ADAM18: variants seen among roughly 807,000 people sequenced by gnomAD.
The protein encoded by ADAM18 is disintegrin and metalloproteinase domain-containing protein 18.
In ADAM18, 117 loss-of-function variants were observed where a neutral mutation model predicts 94.4. That is an observed-to-expected ratio of 1.24 (90% CI 1.07 to 1.45). The LOEUF (loss-of-function observed/expected upper bound fraction) is 1.45, where lower values mean the gene tolerates loss of function less well. ADAM18 is among the 40% of genes most tolerant of loss of function. The probability of loss-of-function intolerance (pLI) is 0.00; values close to 1 mark genes in which losing one functional copy is unlikely to be tolerated. For synonymous variants in ADAM18, 327 were observed against 291.6 expected (o/e 1.12, Z -1.24); for missense variants, 936 against 880.0 (o/e 1.06, Z -0.81).
chr8:39,650,564 G>A (rs1820505181), intron 12 of ADAM18, among the ~76,000 whole-genome samples: 1 of 151,954 alleles, frequency 6.6e-6, no homozygotes, highest in African/African-American at 2.4e-5. Flanking sequence ...ATAAATACTT[G>A]GGAATAAATT....
intron 17 of ADAM18, among the ~76,000 whole-genome samples, chr8:39,693,012 A>G (rs1335035252): frequency 1.3e-5 from 2 of 151,638 alleles, no homozygotes; most frequent in Non-Finnish European, 3.0e-5. Context: ...ACAATATTTT[A>G]CAGAGTATAC....
chr8:39,675,437 C>A (rs117183686), intron 14 of ADAM18, among the ~76,000 whole-genome samples: 4 of 152,126 alleles, frequency 2.6e-5, no homozygotes, highest in African/African-American at 4.8e-5. Flanking sequence ...TTGTGCATGC[C>A]TCACGAAGTT....
chr8:39,589,725 A>G (rs992880785), intron 2 of ADAM18, among the ~76,000 whole-genome samples: 1 of 152,072 alleles, frequency 6.6e-6, no homozygotes, highest in Non-Finnish European at 1.5e-5. Flanking sequence ...ATGTTTAAAA[A>G]TTTTAAACTT....
intron 16 of ADAM18, among the ~76,000 whole-genome samples, chr8:39,691,881 C>A (rs1821792208): frequency 6.6e-6 from 1 of 151,708 alleles, no homozygotes; most frequent in Non-Finnish European, 1.5e-5. Context: ...AACTTATAAT[C>A]TATAAATTGG....
chr8:39,618,361 T>C (rs1453884856), intron 6 of ADAM18, among the ~76,000 whole-genome samples: 1 of 152,096 alleles, frequency 6.6e-6, no homozygotes, highest in African/African-American at 2.4e-5. Context: ...GGATTTAGGG[T>C]CATTTGATTG....
chr8:39,630,261 A>G (rs1338781035), intron 7 of ADAM18, among the ~76,000 whole-genome samples: 5 of 151,656 alleles, frequency 3.3e-5, no homozygotes, highest in Non-Finnish European at 7.4e-5. Context: ...TAAATGCAAA[A>G]CACAGACTAA....
chr8:39,685,353 A>G (rs1821581893), intron 16 of ADAM18: 1 of 152,190 alleles, frequency 6.6e-6, no homozygotes, highest in African/African-American at 2.4e-5. Context: ...GTCATACCCG[A>G]TATGGTTGAA....
At chr8:39,721,011 T>C (rs977742758) in intron 18 of ADAM18, among the ~76,000 whole-genome samples, 1 of 151,598 alleles carries the variant, frequency 6.6e-6, no homozygotes, top group African/African-American at 2.4e-5. Context: ...CTGCTATTTC[T>C]ATGCAAAGGT....
intron 7 of ADAM18, among the ~76,000 whole-genome samples, chr8:39,636,477 A>G (rs1820078709): frequency 6.6e-6 from 1 of 152,134 alleles, no homozygotes; most frequent in Non-Finnish European, 1.5e-5. Flanking sequence ...CAGTACTTTC[A>G]TACTTTATTA....
chr8:39,667,090 A>AT (rs1443446658), intron 13 of ADAM18, among the ~76,000 whole-genome samples: 2 of 152,140 alleles, frequency 1.3e-5, no homozygotes, highest in African/African-American at 4.8e-5. Flanking sequence ...TAATAAACAT[A>AT]TAAAAATGAG....
chr8:39,724,456 T>C (rs943460515), intron 19 of ADAM18, among the ~76,000 whole-genome samples: 1 of 151,924 alleles, frequency 6.6e-6, no homozygotes, highest in Non-Finnish European at 1.5e-5. Flanking sequence ...TTCTTTTTTT[T>C]CTTGTTCAGA....
chr8:39,615,710 A>G (rs1006702606), intron 6 of ADAM18, among the ~76,000 whole-genome samples: 1 of 152,190 alleles, frequency 6.6e-6, no homozygotes, highest in Non-Finnish European at 1.5e-5. Flanking sequence ...AGACCTCACC[A>G]GAGCAATCAC....
In ADAM18 at chr8:39,639,383, T is replaced by C. The variant is rs550964125; in HGVS notation, c.909+837T>C. ...TGTATTCTTCCCTGCTCTATTTTGC[T>C]CAATATTATGTCTATAGCAATCATT... is the stretch of plus-strand genomic sequence containing the variant. On this transcript the variant is annotated intron_variant, in intron 10 of 19. Transcript: ENST00000265707. Among the ~76,000 whole-genome samples the C allele has an allele frequency of 4.6e-5, 7 of 152,132 alleles. 1 individual carries two copies. In the South Asian group the frequency reaches 1.4e-3, roughly 32 times the overall value.
At chr8:39,658,079 A>G (rs1820735832) in intron 12 of ADAM18, among the ~76,000 whole-genome samples, 1 of 152,254 alleles carries the variant, frequency 6.6e-6, no homozygotes, top group Non-Finnish European at 1.5e-5. Flanking sequence ...GAGATTACCA[A>G]TGGCACTCCT....
intron 14 of ADAM18, among the ~76,000 whole-genome samples, chr8:39,673,562 G>A (rs1821215670): frequency 6.6e-6 from 1 of 151,308 alleles, no homozygotes; most frequent in Admixed American, 6.6e-5. Flanking sequence ...GTGAGAACAT[G>A]CAGTGTCTGG....
At chr8:39,585,545 T>G (rs551909119) in intron 2 of ADAM18, among the ~76,000 whole-genome samples, 193 bp downstream of exon 2, 152 of 152,330 alleles carry the variant, frequency 1.0e-3, no homozygotes, top group African/African-American at 3.4e-3. Flanking sequence ...GTCTTTTCTC[T>G]TCATCTCTTC....
chr8:39,643,308 A>G (rs1820285886), intron 10 of ADAM18, among the ~76,000 whole-genome samples: 1 of 152,046 alleles, frequency 6.6e-6, no homozygotes, highest in Non-Finnish European at 1.5e-5. Flanking sequence ...AGTATGTTGA[A>G]TAGGAGTGGT....
At chr8:39,728,004 C>T (rs1822966798) in intron 19 of ADAM18, among the ~76,000 whole-genome samples, 1 of 152,134 alleles carries the variant, frequency 6.6e-6, no homozygotes, top group South Asian at 2.1e-4. Flanking sequence ...CCTCAGGAAG[C>T]TTACAATCAT....
chr8:39,650,030 C>T lies in ADAM18; in HGVS notation c.1230+1503C>T, dbSNP rs536270835. ...AACAGATACTATATGACAAGCAAGT[C>T]TGGAAATAATATTTGATTTTTTACA... On this transcript the variant is annotated intron_variant, in intron 12 of 19. Transcript: ENST00000265707. 6.6e-5 allele frequency among the ~76,000 whole-genome samples: 10 copies of T among 152,156 alleles called. No homozygotes were observed. In the East Asian group the frequency reaches 1.7e-3, roughly 26 times the overall value.
Sources: allele counts gnomAD v4.1 joint callset (sites outside exome capture counted in the v4.1 genomes callset), GRCh38; gene constraint gnomAD v4.1.1; transcripts MANE v1.5; gene names NCBI Gene and HGNC (gene_info 2026-07-23, HGNC 2026-07-21).